The following RALGPS1 variants were observed in gnomAD, a reference collection of about 807,000 sequenced individuals.
The protein encoded by RALGPS1 is ras-specific guanine nucleotide-releasing factor RalGPS1.
RALGPS1 carries 19 observed loss-of-function variants against 78.8 expected under a neutral mutation model. The ratio of observed to expected loss-of-function variants is 0.24; its 90% confidence interval spans 0.17 to 0.35. The LOEUF (loss-of-function observed/expected upper bound fraction) is 0.35, where lower values mean the gene tolerates loss of function less well. Ranked by LOEUF, RALGPS1 falls within the 10% of genes least tolerant of loss-of-function variation. The pLI, the probability that RALGPS1 is intolerant of heterozygous loss-of-function variation, is 1.00. For synonymous variants in RALGPS1, 228 were observed against 256.3 expected, an observed-to-expected ratio of 0.89 and a Z score of 1.06; for missense variants, 454 against 688.3, an observed-to-expected ratio of 0.66 and a Z score of 3.81.
At chr9:127,123,726 C>A (rs2056375005) in intron 8 of RALGPS1, among the ~76,000 whole-genome samples, 1 of 152,122 alleles carries the variant, frequency 6.6e-6, no homozygotes, top group South Asian at 2.1e-4. Context: ...CACTGGACCC[C>A]ATGATGCAAG....
At chr9:126,915,284 C>CG (rs527525302) in intron 1 of RALGPS1, among the ~76,000 whole-genome samples, 7 of 30,098 alleles carry the variant, frequency 2.3e-4, no homozygotes, top group Admixed American at 1.0e-3. Context: ...GGGGCGGGGC[C>CG]GGGGGGGCAG....
chr9:126,964,761 C>CT (rs1157863919), intron 2 of RALGPS1, among the ~76,000 whole-genome samples: 1 of 152,176 alleles, frequency 6.6e-6, no homozygotes. Flanking sequence ...TCTTTTTAAC[C>CT]TTACATTTGC....
intron 8 of RALGPS1, chr9:127,108,053 G>T: frequency 6.2e-7 from 1 of 1,609,632 alleles, no homozygotes; most frequent in Non-Finnish European, 8.5e-7. Context: ...TAGGTGGGTG[G>T]TTGGTAGACC....
At chr9:127,165,052 T>G (rs1026137955) in intron 8 of RALGPS1, among the ~76,000 whole-genome samples, 2 of 152,258 alleles carry the variant, frequency 1.3e-5, no homozygotes, top group African/African-American at 4.8e-5. Context: ...TGTTGTTTCT[T>G]TATGCATAGA....
chr9:126,937,520 AAAAAGT>A (rs1438750079), intron 1 of RALGPS1, among the ~76,000 whole-genome samples: 1 of 152,214 alleles, frequency 6.6e-6, no homozygotes, highest in East Asian at 1.9e-4. Flanking sequence ...TCCTCACATA[AAAAAGT>A]AAAAAGATGG....
chr9:127,125,940 GT>G (rs2056582505), intron 8 of RALGPS1, among the ~76,000 whole-genome samples: 1 of 152,040 alleles, frequency 6.6e-6, no homozygotes, highest in African/African-American at 2.4e-5. Flanking sequence ...ACAGTTGCAG[GT>G]TTTTTTCTGT....
chr9:126,953,892 G>C (rs1168276278), intron 1 of RALGPS1, among the ~76,000 whole-genome samples: 1 of 152,178 alleles, frequency 6.6e-6, no homozygotes, highest in Non-Finnish European at 1.5e-5. Context: ...TGTGTCCCCA[G>C]AGCCCATTTA....
chr9:127,034,505 G>A lies in RALGPS1; in HGVS notation c.291G>A (p.Arg97=), dbSNP rs1430747579. The change falls in exon 5 of 19, where the codon AGG becomes AGA. Residue 97 remains arginine, a synonymous_variant. Transcript: ENST00000259351. ...CTAACGTTGTGGCCTTTACCCGGAGGTTTAACCAGGTAAGCAACACCCCTT... is the reference window on the plus strand; with the variant it reads ...CTAACGTTGTGGCCTTTACCCGGAGATTTAACCAGGTAAGCAACACCCCTT... ...LAPNVVAFTR[R]FNQVSFWVVR... is the part of the protein sequence containing the mutation. The A allele has an allele frequency of 1.2e-6, 2 of 1,613,882 alleles. No homozygotes were observed. Among genetic ancestry groups the A allele is most frequent in the South Asian group, 2.2e-5 (2 of 91,080 alleles).
chr9:127,109,143 A>C (rs953723965), intron 8 of RALGPS1, among the ~76,000 whole-genome samples: 1 of 152,110 alleles, frequency 6.6e-6, no homozygotes. Flanking sequence ...AGGCAGAGGG[A>C]GGGTTTTCTG....
chr9:126,989,350 G>T (rs535520999), intron 4 of RALGPS1, among the ~76,000 whole-genome samples: 1 of 152,268 alleles, frequency 6.6e-6, no homozygotes, highest in Non-Finnish European at 1.5e-5. Context: ...GACAACAGGA[G>T]AATGGGAGGA....
At chr9:127,176,120 G>A (rs1011840679) in intron 11 of RALGPS1, among the ~76,000 whole-genome samples, 3 of 152,306 alleles carry the variant, frequency 2.0e-5, no homozygotes, top group East Asian at 1.9e-4. Flanking sequence ...AGACATGCTG[G>A]TTGATTCTCG....
intron 2 of RALGPS1, among the ~76,000 whole-genome samples, chr9:126,962,709 T>C (rs1564316125): frequency 6.6e-6 from 1 of 152,238 alleles, no homozygotes; most frequent in Non-Finnish European, 1.5e-5. Context: ...TCATTCCAAC[T>C]GGCCCTGGGT....
At chr9:126,958,158 T>TATATATATATAC (rs1345241110) in intron 1 of RALGPS1, among the ~76,000 whole-genome samples, 20 of 121,062 alleles carry the variant, frequency 1.7e-4, no homozygotes, top group African/African-American at 5.2e-4. Context: ...TATATATATA[T>TATATATATATAC]ACACACACAC....
At chr9:127,035,639 A>G (rs928931793) in intron 5 of RALGPS1, among the ~76,000 whole-genome samples, 1 of 151,160 alleles carries the variant, frequency 6.6e-6, no homozygotes, top group Non-Finnish European at 1.5e-5. Context: ...CTGTTGCTCA[A>G]CCCTCTCCAG....
chr9:127,202,688 C>T (rs2061699331), intron 14 of RALGPS1, among the ~76,000 whole-genome samples: 1 of 152,164 alleles, frequency 6.6e-6, no homozygotes, highest in Non-Finnish European at 1.5e-5. Flanking sequence ...CCCTCCCCTA[C>T]CCTTGGGGCC....
rs1410459094 is a variant in RALGPS1, at chr9:127,221,628, C to T, written c.*2859C>T. ...TGTTCTAACTGTGCCTGGTGAGAGA[C>T]TTTGGCCCCCTCCCTCCCTATAAGG... On this transcript the variant is annotated 3_prime_UTR_variant, in exon 19 of 19. Transcript: ENST00000259351. The T allele has an allele frequency of 6.6e-6, 1 of 152,212 alleles. No homozygotes were observed. The highest frequency in any genetic ancestry group is 2.4e-5 in the African/African-American group (1 of 41,436). 9.4% of individuals were successfully genotyped at this position (152,212 alleles called of 1,614,324 possible).
intron 8 of RALGPS1, among the ~76,000 whole-genome samples, chr9:127,150,275 C>A (rs1588177103): frequency 6.6e-6 from 1 of 152,210 alleles, no homozygotes; most frequent in Non-Finnish European, 1.5e-5. Context: ...CTCATTTGAG[C>A]CCCACCTCTC....
chr9:127,149,618 A>C (rs1019318965), intron 8 of RALGPS1, among the ~76,000 whole-genome samples: 1 of 152,246 alleles, frequency 6.6e-6, no homozygotes, highest in Non-Finnish European at 1.5e-5. Flanking sequence ...TAAGGATCAC[A>C]GAGAGTGGGG....
chr9:126,982,928 CTTTTTTTTTT>C (rs71377984), intron 4 of RALGPS1, among the ~76,000 whole-genome samples: 16 of 34,628 alleles, frequency 4.6e-4, no homozygotes, highest in Non-Finnish European at 6.3e-4. Context: ...TCTTCTTCTT[CTTTTTTTTTT>C]TTTTTTTTTT....
Sources: allele counts gnomAD v4.1 joint callset (sites outside exome capture counted in the v4.1 genomes callset), GRCh38; gene constraint gnomAD v4.1.1; transcripts MANE v1.5; gene names NCBI Gene and HGNC (gene_info 2026-07-23, HGNC 2026-07-21).